MAGI2: variants seen among roughly 807,000 people sequenced by gnomAD.
MAGI2 encodes membrane-associated guanylate kinase, WW and PDZ domain-containing protein 2.
In MAGI2, 35 loss-of-function variants were observed where a neutral mutation model predicts 133.3. The observed-to-expected ratio is 0.26, with a 90% CI of 0.20 to 0.35. The LOEUF (loss-of-function observed/expected upper bound fraction) is 0.35. MAGI2 is among the 10% of genes least tolerant of loss of function. The pLI, the probability that MAGI2 is intolerant of heterozygous loss-of-function variation, is 1.00. For missense variants in MAGI2, 1,636 were observed against 1,863.4 expected, an observed-to-expected ratio of 0.88 and a Z score of 2.25; for synonymous variants, 729 against 710.6, an observed-to-expected ratio of 1.03 and a Z score of -0.41.
At chr7:79,042,431 A>G (rs1345596335) in intron 1 of MAGI2, among the ~76,000 whole-genome samples, 1 of 152,048 alleles carries the variant, frequency 6.6e-6, no homozygotes, top group Non-Finnish European at 1.5e-5. Flanking sequence ...ATTACATGTG[A>G]GATGCATCTC....
chr7:79,087,871 C>A (rs1378799938), intron 1 of MAGI2, among the ~76,000 whole-genome samples: 1 of 152,000 alleles, frequency 6.6e-6, no homozygotes, highest in Non-Finnish European at 1.5e-5. Context: ...GTTTTGGTAC[C>A]AGTGCCATGC....
At chr7:78,826,134 C>T (rs1434568467) in intron 2 of MAGI2, among the ~76,000 whole-genome samples, 3 of 151,850 alleles carry the variant, frequency 2.0e-5, no homozygotes, top group African/African-American at 7.3e-5. Context: ...GGGCAGATCA[C>T]GAGGTCAGGA....
intron 2 of MAGI2, among the ~76,000 whole-genome samples, chr7:78,982,858 G>A (rs984402058): frequency 5.3e-5 from 8 of 151,900 alleles, no homozygotes; most frequent in African/African-American, 1.7e-4. Context: ...GGAAAGGAGA[G>A]GCTGGTGCTA....
intron 2 of MAGI2, among the ~76,000 whole-genome samples, chr7:78,704,915 T>C (rs1209480741): frequency 1.3e-5 from 2 of 150,906 alleles, no homozygotes; most frequent in African/African-American, 4.9e-5. Flanking sequence ...GAAAAACAAA[T>C]ACTGCAGGTT....
chr7:78,800,878 T>C (rs1214257820), intron 2 of MAGI2, among the ~76,000 whole-genome samples: 4 of 152,086 alleles, frequency 2.6e-5, no homozygotes, highest in Non-Finnish European at 5.9e-5. Flanking sequence ...TAGAGGAAAT[T>C]GAACTTACCT....
chr7:78,870,017 A>G (rs566081662), intron 2 of MAGI2, among the ~76,000 whole-genome samples: 14 of 152,152 alleles, frequency 9.2e-5, no homozygotes, highest in Non-Finnish European at 1.6e-4. Flanking sequence ...GTTTGAAGTC[A>G]GGTAATGTGA....
intron 2 of MAGI2, among the ~76,000 whole-genome samples, chr7:78,666,200 C>G (rs559849316): frequency 2.0e-5 from 3 of 152,132 alleles, no homozygotes; most frequent in Admixed American, 1.3e-4. Flanking sequence ...GACTTTAAAA[C>G]TGCTGAGATC....
intron 1 of MAGI2, among the ~76,000 whole-genome samples, chr7:79,378,157 T>C (rs771616175): frequency 6.6e-6 from 1 of 151,826 alleles, no homozygotes; most frequent in Non-Finnish European, 1.5e-5. Context: ...TGGTGGATGC[T>C]GCTCAGGCTA....
chr7:79,409,814 T>C (rs1488397536), intron 1 of MAGI2, among the ~76,000 whole-genome samples: 1 of 152,116 alleles, frequency 6.6e-6, no homozygotes, highest in Admixed American at 6.6e-5. Flanking sequence ...CTTGCCTATA[T>C]GTCCTAGGTC....
chr7:78,806,951 T>C (rs905373188), intron 2 of MAGI2, among the ~76,000 whole-genome samples: 1 of 151,842 alleles, frequency 6.6e-6, no homozygotes, highest in African/African-American at 2.4e-5. Context: ...TATTAGAAGA[T>C]AAGGGAACTA....
intron 1 of MAGI2, among the ~76,000 whole-genome samples, chr7:79,152,240 C>T (rs371764213): frequency 3.3e-5 from 5 of 152,110 alleles, no homozygotes; most frequent in African/African-American, 1.2e-4. Flanking sequence ...AAATATCATT[C>T]GAAACTGAAT....
At chr7:78,446,885 C>G (rs765755072) in intron 6 of MAGI2, among the ~76,000 whole-genome samples, 2 of 152,080 alleles carry the variant, frequency 1.3e-5, no homozygotes, top group African/African-American at 4.8e-5. Context: ...CTAAACCCAT[C>G]TAAGTTGTGA....
chr7:78,108,496 C>G (rs941738584), intron 20 of MAGI2, among the ~76,000 whole-genome samples: 10 of 152,184 alleles, frequency 6.6e-5, no homozygotes, highest in Admixed American at 5.9e-4. Flanking sequence ...TCCATTTGGT[C>G]TATAGTACAG....
At chr7:79,346,636 T>A (rs1841336498) in intron 1 of MAGI2, among the ~76,000 whole-genome samples, 1 of 151,938 alleles carries the variant, frequency 6.6e-6, no homozygotes, top group Admixed American at 6.6e-5. Context: ...CTCAACAAAG[T>A]CTGTGCTTCT....
At chr7:78,912,829 A>G (rs1473717119) in intron 2 of MAGI2, among the ~76,000 whole-genome samples, 1 of 147,804 alleles carries the variant, frequency 6.8e-6, no homozygotes, top group African/African-American at 2.5e-5. Context: ...ATATATATAT[A>G]TATATTCCAC....
intron 2 of MAGI2, among the ~76,000 whole-genome samples, chr7:78,656,734 C>G (rs1416709654): frequency 7.9e-5 from 12 of 151,814 alleles, no homozygotes; most frequent in Admixed American, 7.9e-4. Context: ...ACATTATACA[C>G]CTAAATATAT....
At chr7:78,526,635 A>T (rs957585675) in intron 3 of MAGI2, among the ~76,000 whole-genome samples, 5 of 152,250 alleles carry the variant, frequency 3.3e-5, no homozygotes, top group Non-Finnish European at 7.3e-5. Context: ...TCAGTTTTTT[A>T]ACTACCTATG....
chr7:78,997,995 G>T (rs1806479150), intron 2 of MAGI2, among the ~76,000 whole-genome samples: 1 of 152,090 alleles, frequency 6.6e-6, no homozygotes, highest in South Asian at 2.1e-4. Context: ...AATTTTAAAA[G>T]CTTTGTATTT....
intron 2 of MAGI2, among the ~76,000 whole-genome samples, chr7:78,707,852 G>A (rs546344555): frequency 6.6e-6 from 1 of 151,982 alleles, no homozygotes; most frequent in South Asian, 2.1e-4. Context: ...TTAACCTTGG[G>A]GCTTAGTGCA....
Sources: gnomAD v4.1 joint callset for allele counts (sites outside exome capture counted in the v4.1 genomes callset) on GRCh38, gnomAD v4.1.1 for gene constraint, MANE v1.5 for transcripts, NCBI Gene and HGNC (gene_info 2026-07-23, HGNC 2026-07-21) for gene names.